JMJD1C: variants seen among roughly 807,000 people sequenced by gnomAD.
The protein encoded by JMJD1C is jumonji domain-containing protein 1C.
In JMJD1C, 31 loss-of-function variants were observed where a neutral mutation model predicts 245.3. That is an observed-to-expected ratio of 0.13 (90% CI 0.09 to 0.17). The LOEUF is 0.17. JMJD1C is among the 10% of genes least tolerant of loss of function. The pLI, the probability that JMJD1C is intolerant of heterozygous loss-of-function variation, is 1.00. For missense variants in JMJD1C, 2,691 were observed against 3,000.2 expected (o/e 0.90, Z 2.41); for synonymous variants, 1,057 against 1,017.4 (o/e 1.04, Z -0.74).
intron 1 of JMJD1C, among the ~76,000 whole-genome samples, chr10:63,412,120 G>C (rs998223264): frequency 6.6e-6 from 1 of 151,962 alleles, no homozygotes; most frequent in African/African-American, 2.4e-5. Flanking sequence ...AACAATTCAG[G>C]GGTTGGGACT....
chr10:63,198,756 G>A (rs774270358), intron 11 of JMJD1C, 29 bp from the exon 12 acceptor site: 20 of 1,316,072 alleles, frequency 1.5e-5, no homozygotes, highest in African/African-American at 3.0e-5. Context: ...AAAGTATTAG[G>A]TACCCACATA....
At chr10:63,389,130 C>T (rs1947844998) in intron 1 of JMJD1C, among the ~76,000 whole-genome samples, 1 of 151,906 alleles carries the variant, frequency 6.6e-6, no homozygotes, top group Admixed American at 6.6e-5. Flanking sequence ...TCAAGACAAG[C>T]CTGGCCAACA....
intron 1 of JMJD1C, among the ~76,000 whole-genome samples, chr10:63,449,080 G>A (rs372189562): frequency 5.3e-4 from 81 of 152,050 alleles, no homozygotes; most frequent in African/African-American, 1.9e-3. Flanking sequence ...TCTCACCACT[G>A]CACTCCAGCC....
chr10:63,175,255 C>T (rs1182830047), intron 24 of JMJD1C, among the ~76,000 whole-genome samples: 1 of 152,088 alleles, frequency 6.6e-6, no homozygotes, highest in Non-Finnish European at 1.5e-5. Flanking sequence ...GGGTGAATCC[C>T]AGATTAAACA....
At chr10:63,310,430 A>G (rs769065939) in intron 2 of JMJD1C, among the ~76,000 whole-genome samples, 5 of 152,346 alleles carry the variant, frequency 3.3e-5, no homozygotes, top group Non-Finnish European at 5.9e-5. Context: ...AAGACAACCA[A>G]TTGGAACAGT....
At chr10:63,351,261 T>G (rs1223823750) in intron 2 of JMJD1C, among the ~76,000 whole-genome samples, 1 of 151,908 alleles carries the variant, frequency 6.6e-6, no homozygotes, top group East Asian at 1.9e-4. Flanking sequence ...GTATTTATAG[T>G]GGTATTTATA....
chr10:63,195,730 G>C (rs1477405634), intron 13 of JMJD1C, among the ~76,000 whole-genome samples: 8 of 151,028 alleles, frequency 5.3e-5, no homozygotes. Context: ...CACGAGGTCA[G>C]GAGATCGAGA....
intron 2 of JMJD1C, among the ~76,000 whole-genome samples, chr10:63,329,874 T>C (rs998447941): frequency 3.9e-5 from 6 of 152,148 alleles, no homozygotes; most frequent in African/African-American, 9.6e-5. Flanking sequence ...TGCCCAACTA[T>C]AGGGTAAGTG....
intron 3 of JMJD1C, among the ~76,000 whole-genome samples, chr10:63,252,108 G>A (rs1853172803): frequency 2.0e-5 from 3 of 152,192 alleles, no homozygotes; most frequent in Admixed American, 6.5e-5. Flanking sequence ...ATGGGAAATG[G>A]CTCAGGGATA....
chr10:63,211,566 T>C (rs1847337523), intron 8 of JMJD1C, among the ~76,000 whole-genome samples: 2 of 152,022 alleles, frequency 1.3e-5, no homozygotes. Context: ...CACAAACTTT[T>C]GGCATGATGA....
intron 2 of JMJD1C, among the ~76,000 whole-genome samples, chr10:63,310,674 A>G (rs1939058854): frequency 6.6e-6 from 1 of 152,234 alleles, no homozygotes; most frequent in African/African-American, 2.4e-5. Context: ...CTAATGTGGA[A>G]AAATGAGCTG....
chr10:63,366,060 C>T (rs1945812625), intron 2 of JMJD1C, among the ~76,000 whole-genome samples: 1 of 152,146 alleles, frequency 6.6e-6, no homozygotes, highest in Non-Finnish European at 1.5e-5. Context: ...TTATAATGAG[C>T]ACATAGACCC....
intron 2 of JMJD1C, among the ~76,000 whole-genome samples, chr10:63,350,679 C>T (rs77508604): frequency 0.028 from 4,182 of 148,302 alleles, 86 homozygotes; most frequent in Middle Eastern, 0.048. Flanking sequence ...TGCAGTGGTG[C>T]AATCTCAGCT....
intron 1 of JMJD1C, among the ~76,000 whole-genome samples, chr10:63,463,545 T>A (rs1412765437): frequency 6.6e-6 from 1 of 152,180 alleles, no homozygotes; most frequent in African/African-American, 2.4e-5. Context: ...TGCTAAACTG[T>A]TCCAAGTTTC....
At chr10:63,260,417 A>G (rs1854549833) in intron 3 of JMJD1C, among the ~76,000 whole-genome samples, 1 of 152,206 alleles carries the variant, frequency 6.6e-6, no homozygotes. Context: ...AAAATCCATG[A>G]TAAAATGATT....
intron 1 of JMJD1C, among the ~76,000 whole-genome samples, chr10:63,423,156 G>C (rs1345219563): frequency 1.3e-5 from 2 of 151,898 alleles, no homozygotes; most frequent in Non-Finnish European, 2.9e-5. Flanking sequence ...ATAGAAACGG[G>C]GTTTCACCAT....
chr10:63,184,889 T>C (rs1172600697), intron 20 of JMJD1C, 151 bp from the exon 21 acceptor site: 1 of 675,248 alleles, frequency 1.5e-6, no homozygotes, highest in Non-Finnish European at 2.4e-6. Context: ...CTGACTAAAA[T>C]AGCAATTCTG....
At chr10:63,300,632 C>A (rs1467358859) in intron 2 of JMJD1C, among the ~76,000 whole-genome samples, 1 of 151,608 alleles carries the variant, frequency 6.6e-6, no homozygotes. Flanking sequence ...TGGCTCACTT[C>A]TGAAATCCCA....
chr10:63,493,113 T>C (rs1215790771), intron 1 of JMJD1C, among the ~76,000 whole-genome samples: 4 of 152,176 alleles, frequency 2.6e-5, no homozygotes, highest in African/African-American at 9.7e-5. Context: ...CCATTCGTAA[T>C]TCAAGCAAAA....
Sources: gnomAD v4.1 joint callset for allele counts (sites outside exome capture counted in the v4.1 genomes callset) on GRCh38, gnomAD v4.1.1 for gene constraint, MANE v1.5 for transcripts, NCBI Gene and HGNC (gene_info 2026-07-23, HGNC 2026-07-21) for gene names.